The following PFKFB3 variants were observed in gnomAD, a reference collection of about 807,000 sequenced individuals.
The protein encoded by PFKFB3 is 6-phosphofructo-2-kinase/fructose-2,6-biphosphatase 3.
PFKFB3 carries 33 observed loss-of-function variants against 68.0 expected under a neutral mutation model. The ratio of observed to expected loss-of-function variants is 0.49; its 90% confidence interval spans 0.37 to 0.65. The LOEUF (loss-of-function observed/expected upper bound fraction) is 0.65. PFKFB3 is among the 30% of genes least tolerant of loss of function. The pLI, the probability that PFKFB3 is intolerant of heterozygous loss-of-function variation, is 0.00. For missense variants in PFKFB3, 586 were observed against 712.2 expected, an observed-to-expected ratio of 0.82 and a Z score of 2.02; for synonymous variants, 315 against 288.2, an observed-to-expected ratio of 1.09 and a Z score of -0.94.
intron 1 of PFKFB3, 114 bp from the exon 2 acceptor site, chr10:6,213,509 C>T: frequency 1.6e-6 from 2 of 1,248,030 alleles, no homozygotes; most frequent in Non-Finnish European, 2.2e-6. Flanking sequence ...AGAGTGAGAC[C>T]CTGTCTCAAA....
At chr10:6,208,196 T>C (rs1470555212) in intron 1 of PFKFB3, among the ~76,000 whole-genome samples, 2 of 152,046 alleles carry the variant, frequency 1.3e-5, no homozygotes, top group Non-Finnish European at 2.9e-5. Flanking sequence ...CTCAGCCTCC[T>C]GAGTAGCTGG....
At chr10:6,247,387 A>G (rs1193727830) in intron 14 of PFKFB3, among the ~76,000 whole-genome samples, 1 of 151,742 alleles carries the variant, frequency 6.6e-6, no homozygotes, top group African/African-American at 2.4e-5. Flanking sequence ...AAAAATGAGG[A>G]CTCTAACAAT....
At chr10:6,161,607 T>C (rs140261961) in intron 1 of PFKFB3, among the ~76,000 whole-genome samples, 1,635 of 147,152 alleles carry the variant, frequency 0.011, 66 homozygotes, top group East Asian at 0.1. Flanking sequence ...CACACACACA[T>C]ATATATACAC....
upstream of PFKFB3, among the ~76,000 whole-genome samples, chr10:6,201,908 T>G (rs1479124709): frequency 2.0e-5 from 3 of 152,070 alleles, no homozygotes; most frequent in Non-Finnish European, 4.4e-5. The surrounding 1 kb of genome is among the most constrained non-coding windows in gnomAD (Gnocchi z 4.1). Context: ...CGCGAGCTGG[T>G]GCAAACTGCG....
rs903765239 is a variant in PFKFB3, at chr10:6,217,248, C to T, written c.498+57C>T. On this transcript the variant is annotated intron_variant, in intron 6 of 14. Transcript: ENST00000379775. ...GCAGCGTAGACCACAAGGGCATTTG[C>T]AGTCTGAGGAAGTGGGGGACCGGGT... 7 of 1,478,968 alleles carry T rather than the reference C, an allele frequency of 4.7e-6. No homozygotes were observed. The African/African-American group carries it at 6.9e-5, about 15-fold the overall frequency. 91.6% of individuals were successfully genotyped at this position (1,478,968 alleles called of 1,614,324 possible). A position where few individuals can be genotyped will look rare whatever the true frequency, so the allele number is the denominator to read the frequency against.
At chr10:6,182,318 G>A (rs1050096031) in intron 1 of PFKFB3, among the ~76,000 whole-genome samples, 2 of 152,038 alleles carry the variant, frequency 1.3e-5, no homozygotes, top group African/African-American at 2.4e-5. Flanking sequence ...CTAGACTGGG[G>A]GTCTGGGTGC....
At chr10:6,273,710 C>A in the PFKFB3 span, among the ~76,000 whole-genome samples, 1 of 152,166 alleles carries the variant, frequency 6.6e-6, no homozygotes, top group African/African-American at 2.4e-5. Flanking sequence ...GGGCCTTAAT[C>A]CAGTATGGCT....
At chr10:6,315,546 C>T in the PFKFB3 span, among the ~76,000 whole-genome samples, 1 of 152,168 alleles carries the variant, frequency 6.6e-6, no homozygotes, top group African/African-American at 2.4e-5. Context: ...TGCAATGGTG[C>T]GATCTAGGCT....
chr10:6,155,010 GCAGCCTTC>G (rs1399776449), intron 1 of PFKFB3, among the ~76,000 whole-genome samples: 7 of 152,196 alleles, frequency 4.6e-5, no homozygotes, highest in Non-Finnish European at 1.0e-4. Context: ...GACCCAGTAA[GCAGCCTTC>G]CAGAAAAGTC....
chr10:6,253,698 A>C (rs1405832252), intron 14 of PFKFB3, among the ~76,000 whole-genome samples: 3 of 152,016 alleles, frequency 2.0e-5, no homozygotes, highest in African/African-American at 7.2e-5. Flanking sequence ...TGAGGGATAG[A>C]GAGGGCAGTT....
chr10:6,158,546 G>A (rs935825545), intron 1 of PFKFB3, among the ~76,000 whole-genome samples: 4 of 152,158 alleles, frequency 2.6e-5, no homozygotes, highest in Admixed American at 6.5e-5. Context: ...AGGCAGTTTG[G>A]TCTTTTCTTT....
downstream of PFKFB3, among the ~76,000 whole-genome samples, chr10:6,236,527 A>G (rs1208944793): frequency 6.6e-6 from 1 of 152,228 alleles, no homozygotes; most frequent in Non-Finnish European, 1.5e-5. Flanking sequence ...TGTGAAGAGA[A>G]CAGGCGGCAG....
intron 1 of PFKFB3, among the ~76,000 whole-genome samples, chr10:6,175,002 G>A (rs549732424): frequency 7.0e-4 from 107 of 152,086 alleles, no homozygotes; most frequent in African/African-American, 2.5e-3. Flanking sequence ...TTTTATTAGA[G>A]ATGGGGTTTC....
At position 6,224,209 on chromosome 10, in the gene PFKFB3, C is replaced by T; in HGVS notation, c.1337C>T (p.Ser446Leu). 2 of 1,613,840 alleles carry T rather than the reference C, an allele frequency of 1.2e-6. No individual in the cohort carries two copies. Among genetic ancestry groups the T allele is most frequent in the Non-Finnish European group, 1.7e-6 (2 of 1,179,888 alleles). ...TCCGTCTGCACACACCGGGAGAGGTCAGAGGTGAGTGGAGGCCCCAAGCCT... is the reference window on the plus strand; with the variant it reads ...TCCGTCTGCACACACCGGGAGAGGTTAGAGGTGAGTGGAGGCCCCAAGCCT... Reference protein sequence around the residue: ...VESVCTHRERSEDAKKGPNPL... With the variant: ...VESVCTHRERLEDAKKGPNPL... Residue 446 changes from serine (S) to leucine (L), a missense_variant, in exon 13 of 15, where the codon TCA becomes TTA. Physicochemically the swap from Ser to Leu is moderately radical, Grantham distance 145. Coordinates refer to ENST00000379775, the MANE Select transcript of PFKFB3 (RefSeq NM_004566.4).
chr10:6,185,931 C>T (rs1194338921), intron 1 of PFKFB3, among the ~76,000 whole-genome samples: 4 of 152,176 alleles, frequency 2.6e-5, no homozygotes, highest in South Asian at 4.1e-4. Flanking sequence ...TGAGCCACCG[C>T]GCCTGGCCCC....
At chr10:6,201,988 A>T (rs757723629), upstream of PFKFB3, among the ~76,000 whole-genome samples, 3 of 152,220 alleles carry the variant, frequency 2.0e-5, no homozygotes, top group Non-Finnish European at 4.4e-5. This position sits in a 1 kb window ranked among gnomAD's most constrained non-coding sequence, Gnocchi z 4.1. Flanking sequence ...GGTGTGCAGG[A>T]TAACGGAGTG....
chr10:6,224,663 T>G (rs1018373890), intron 13 of PFKFB3: 2 of 337,820 alleles, frequency 5.9e-6, no homozygotes, highest in South Asian at 4.4e-5. Flanking sequence ...ATTTATTCAT[T>G]TTTTTAGATA....
rs1030373903 is a variant in PFKFB3, at chr10:6,229,046, A to C, written c.1515+2681A>C. The C allele has an allele frequency of 2.4e-4, 120 of 490,566 alleles. No individual in the cohort carries two copies. The highest frequency in any genetic ancestry group is 1.3e-3 in the Admixed American group (57 of 44,532). 30.4% of individuals were successfully genotyped at this position (490,566 alleles called of 1,614,324 possible). A position where few individuals can be genotyped will look rare whatever the true frequency, so the allele number is the denominator to read the frequency against. On this transcript the variant is annotated intron_variant, in intron 14 of 14. Coordinates refer to ENST00000379775, the MANE Select transcript of PFKFB3 (RefSeq NM_004566.4). The surrounding 1 kb of genome is among the most constrained non-coding windows in gnomAD (Gnocchi z 4.3). ...TGAAGTGTCATCCCCTTGCCCCCCC[A>C]AAAACACACCCGCCCCTTTATTTCC...
At chr10:6,280,264 C>G in the PFKFB3 span, among the ~76,000 whole-genome samples, 1 of 152,210 alleles carries the variant, frequency 6.6e-6, no homozygotes, top group African/African-American at 2.4e-5. Flanking sequence ...GTAGTACTTG[C>G]CGCCTTATTT....
Sources: allele counts gnomAD v4.1 joint callset (sites outside exome capture counted in the v4.1 genomes callset), GRCh38; gene constraint gnomAD v4.1.1; non-coding constraint Gnocchi (gnomAD v3.1); transcripts MANE v1.5; gene names NCBI Gene and HGNC (gene_info 2026-07-23, HGNC 2026-07-21).